MKRN2OS: variants seen among roughly 807,000 people sequenced by gnomAD.
MKRN2OS encodes MKRN2 opposite strand, also known as MKRN2 opposite strand protein.
Under a neutral mutation model 18.2 loss-of-function variants are expected in MKRN2OS, and 17 were observed. The ratio of observed to expected loss-of-function variants is 0.93; its 90% confidence interval spans 0.64 to 1.40. The LOEUF (loss-of-function observed/expected upper bound fraction) is 1.40. Among genes scored for constraint, MKRN2OS ranks in the 40% most tolerant of loss-of-function variants. The pLI, the probability that MKRN2OS is intolerant of heterozygous loss-of-function variation, is 0.00. For synonymous variants in MKRN2OS, 121 were observed against 108.5 expected (o/e 1.12, Z -0.72); for missense variants, 337 against 283.0 (o/e 1.19, Z -1.37).
chr3:12,547,045 G>T (rs924714641), upstream of MKRN2OS, among the ~76,000 whole-genome samples: 4 of 151,778 alleles, frequency 2.6e-5, no homozygotes, highest in Admixed American at 6.6e-5. Flanking sequence ...AAGGTCGAGG[G>T]TGCCTTGAGC....
chr3:12,557,311 T>C, intron 1 of MKRN2OS: 1 of 1,252,804 alleles, frequency 8.0e-7, no homozygotes, highest in South Asian at 1.6e-5. Context: ...GCGGCGGGGC[T>C]TTGCGAGGCA....
rs2057777192 is a variant in MKRN2OS, at chr3:12,540,319, C to T, written c.546G>A (p.Val182=). 13 of 1,536,080 alleles carry T rather than the reference C, an allele frequency of 8.5e-6. No homozygotes were observed. Among genetic ancestry groups the T allele is most frequent in the Non-Finnish European group, 1.1e-5 (13 of 1,146,894 alleles). The change falls in exon 4 of 4, where the codon GTG becomes GTA. Residue 182 remains valine, a synonymous_variant. Coordinates refer to ENST00000564146, the MANE Select transcript of MKRN2OS (RefSeq NM_001195279.2). ...TGGATGCCAGCCTTGTCCGCGGGACCACGTACTTCTCCGTAAATTCACCCT... is the reference window on the plus strand; with the variant it reads ...TGGATGCCAGCCTTGTCCGCGGGACTACGTACTTCTCCGTAAATTCACCCT... ...LDKGEFTEKY[V]VPRTRLASKF...
Position 12,545,335 on chromosome 3 carries a change from C to A in MKRN2OS, c.130G>T (p.Ala44Ser). 6.5e-7 allele frequency: 1 copy of A among 1,536,116 alleles called. No individual in the cohort carries two copies. The highest frequency in any genetic ancestry group is 2.4e-5 in the East Asian group (1 of 40,924). ...AATGGATTAGCGATGCTAACAGGTG[C>A]GTCCTCCAGCTTCCTCGAGCCCAGG... The part of the protein sequence containing the change: ...QDLGSRKLED[A>S]PVSIANPFTN... Residue 44 changes from alanine (A) to serine (S), a missense_variant, in exon 1 of 4, where the codon GCA becomes TCA. Coordinates refer to ENST00000564146, the MANE Select transcript of MKRN2OS (RefSeq NM_001195279.2).
At chr3:12,554,514 A>G (rs1239899384) in intron 1 of MKRN2OS, among the ~76,000 whole-genome samples, 2 of 150,808 alleles carry the variant, frequency 1.3e-5, no homozygotes, top group African/African-American at 4.9e-5. Context: ...AAAAATATAT[A>G]TATATATTGC....
chr3:12,557,727 C>T (rs1331959748), intron 1 of MKRN2OS, among the ~76,000 whole-genome samples: 1 of 152,222 alleles, frequency 6.6e-6, no homozygotes, highest in Non-Finnish European at 1.5e-5. Flanking sequence ...CTGCATATTT[C>T]CAAGTCCTTT....
At chr3:12,560,271 A>G (rs1043712035) in intron 1 of MKRN2OS, among the ~76,000 whole-genome samples, 4 of 152,124 alleles carry the variant, frequency 2.6e-5, no homozygotes, top group Non-Finnish European at 5.9e-5. Flanking sequence ...AGTGACTTAA[A>G]TAACTTGCTT....
upstream of MKRN2OS, among the ~76,000 whole-genome samples, chr3:12,546,782 C>G (rs1211937520): frequency 6.6e-6 from 1 of 151,654 alleles, no homozygotes; most frequent in African/African-American, 2.4e-5. Flanking sequence ...TTCACCATGT[C>G]GGCCAGGCTG....
chr3:12,551,071 T>C (rs547381181), downstream of MKRN2OS, among the ~76,000 whole-genome samples: 70 of 152,252 alleles, frequency 4.6e-4, no homozygotes, highest in Non-Finnish European at 9.3e-4. Flanking sequence ...ATCCTGCCCC[T>C]GTCTCCTTTG....
chr3:12,557,004 A>C, intron 1 of MKRN2OS: 1 of 916,938 alleles, frequency 1.1e-6, no homozygotes, highest in Non-Finnish European at 1.4e-6. Flanking sequence ...CGCCGGCGCT[A>C]CAAAGGTGCC....
chr3:12,545,456 G>A lies in MKRN2OS; in HGVS notation c.9C>T (p.Cys3=), dbSNP rs1559381709. 5 of 1,517,690 alleles carry A rather than the reference G, an allele frequency of 3.3e-6. No individual in the cohort carries two copies. The highest frequency in any genetic ancestry group is 3.5e-6 in the Non-Finnish European group (4 of 1,137,004). The allele number at this position is 1,517,690 out of a possible 1,614,324, so 94.0% of individuals were successfully genotyped here. A position where few individuals can be genotyped will look rare whatever the true frequency, so the allele number is the denominator to read the frequency against. ...TAATTAAAGCCTTCCCAGCCTCTGC[G>A]CAGTGCATAGCTTTCGCCTCCTGGA... The part of the protein sequence containing the change: MH[C]AEAGKALIKF... The change falls in exon 1 of 4, where the codon TGC becomes TGT. Residue 3 remains cysteine, a synonymous_variant. Coordinates refer to ENST00000564146, the MANE Select transcript of MKRN2OS (RefSeq NM_001195279.2).
rs1559381287 is a variant in MKRN2OS at position 12,544,636 on chromosome 3, A to ACCT, written c.218+610_218+611insAGG. On this transcript the variant is annotated intron_variant, in intron 1 of 3. Coordinates refer to ENST00000564146, the MANE Select transcript of MKRN2OS (RefSeq NM_001195279.2). The stretch of plus-strand genomic sequence containing the variant: ...GGTGGAGGTTGCAGTAAGCTGAGAC[A>ACCT]CCATTGCACTCCAGCCTGGGCAACA... Among the ~76,000 whole-genome samples the ACCT allele has an allele frequency of 9.9e-5, 15 of 151,332 alleles. 1 individual carries two copies. Among genetic ancestry groups the ACCT allele is most frequent in the Admixed American group, 7.3e-4 (11 of 15,152 alleles).
At chr3:12,548,460 A>T (rs1484324510), upstream of MKRN2OS, among the ~76,000 whole-genome samples, 1 of 42,644 alleles carries the variant, frequency 2.3e-5, no homozygotes, top group Non-Finnish European at 4.2e-5. Context: ...AAAAAAAAAA[A>T]AAAAAAAAAA....
intron 1 of MKRN2OS, among the ~76,000 whole-genome samples, chr3:12,555,604 G>A (rs1365979065): frequency 6.6e-6 from 1 of 152,178 alleles, no homozygotes; most frequent in Non-Finnish European, 1.5e-5. Flanking sequence ...AGACAAAAGC[G>A]TAGGTACTGA....
At chr3:12,553,404 GA>G (rs1401006698), downstream of MKRN2OS, among the ~76,000 whole-genome samples, 1 of 150,838 alleles carries the variant, frequency 6.6e-6, no homozygotes, top group Non-Finnish European at 1.5e-5. Flanking sequence ...GTATAAAAGG[GA>G]AAAACAATAT....
chr3:12,545,065 C>T (rs752601209), intron 1 of MKRN2OS, among the ~76,000 whole-genome samples, 182 bp downstream of exon 1: 1 of 152,228 alleles, frequency 6.6e-6, no homozygotes, highest in Non-Finnish European at 1.5e-5. Flanking sequence ...ACTGCAGGAA[C>T]ATATGCACAC....
chr3:12,544,414 G>T (rs941392967), intron 1 of MKRN2OS, among the ~76,000 whole-genome samples: 2 of 152,156 alleles, frequency 1.3e-5, no homozygotes, highest in Non-Finnish European at 2.9e-5. Context: ...AGTGGCTGAT[G>T]CCTGTAATCC....
At chr3:12,541,454 G>C (rs1371568543) in intron 3 of MKRN2OS, among the ~76,000 whole-genome samples, 3 of 152,094 alleles carry the variant, frequency 2.0e-5, no homozygotes, top group African/African-American at 4.8e-5. Flanking sequence ...TCTGACCTCA[G>C]GTGATCTACC....
rs1364234533 is a variant in MKRN2OS at position 12,541,961 on chromosome 3, G to A, written c.330C>T (p.Ser110=). 1.3e-6 allele frequency: 2 copies of A among 1,536,054 alleles called. No homozygotes were observed. Among genetic ancestry groups the A allele is most frequent in the Admixed American group, 3.9e-5 (2 of 50,976 alleles). The change falls in exon 3 of 4, where the codon AGC becomes AGT. Residue 110 remains serine (S), a synonymous_variant. Coordinates refer to ENST00000564146, the MANE Select transcript of MKRN2OS (RefSeq NM_001195279.2). ...TGGGCTGCAGTAATGGGATGCTTATGCTCTCTTCCCACCCTTCTCCGTCTC... is the reference window on the plus strand; with the variant it reads ...TGGGCTGCAGTAATGGGATGCTTATACTCTCTTCCCACCCTTCTCCGTCTC... The part of the protein sequence containing the change: ...VQRDGEGWEE[S]ISIPLLQPNM...
chr3:12,548,585 C>T (rs2057906000), upstream of MKRN2OS, among the ~76,000 whole-genome samples: 1 of 150,950 alleles, frequency 6.6e-6, no homozygotes, highest in African/African-American at 2.4e-5. Flanking sequence ...TGAGCTGTGA[C>T]TGCACCATTG....
Sources: allele counts gnomAD v4.1 joint callset (sites outside exome capture counted in the v4.1 genomes callset), GRCh38; gene constraint gnomAD v4.1.1; transcripts MANE v1.5; gene names NCBI Gene and HGNC (gene_info 2026-07-23, HGNC 2026-07-21).